The following PPP1R8 variants were observed in gnomAD, a reference collection of about 807,000 sequenced individuals.
The protein encoded by PPP1R8 is protein phosphatase 1 regulatory subunit 8.
Under a neutral mutation model 31.3 loss-of-function variants are expected in PPP1R8, and 4 were observed. The ratio of observed to expected loss-of-function variants is 0.13; its 90% confidence interval spans 0.06 to 0.29. The LOEUF is 0.29. Among genes scored for constraint, PPP1R8 ranks in the 10% least tolerant of loss-of-function variants. The pLI, the probability that PPP1R8 is intolerant of heterozygous loss-of-function variation, is 1.00. For missense variants in PPP1R8, 254 were observed against 440.1 expected, an observed-to-expected ratio of 0.58 and a Z score of 3.78; for synonymous variants, 170 against 169.7, an observed-to-expected ratio of 1.00 and a Z score of -0.01.
Position 27,850,470 on chromosome 1 carries a change from G to T in PPP1R8, c.*24G>T. 1 of 1,470,850 alleles carries T rather than the reference G, an allele frequency of 6.8e-7. No individual in the cohort carries two copies. Among genetic ancestry groups the T allele is most frequent in the Non-Finnish European group, 9.4e-7 (1 of 1,069,204 alleles). 91.1% of individuals were successfully genotyped at this position (1,470,850 alleles called of 1,614,324 possible). On this transcript the variant is annotated 3_prime_UTR_variant, in exon 7 of 7. Transcript: ENST00000311772. ...GATATTTTTGGTCATGGAGAAGGGT[G>T]GGATTGGGTGGGAATGGGGTGGAAG...
rs200905426 is a variant in PPP1R8 at position 27,850,365 on chromosome 1, A to G, written c.975A>G (p.Glu325=). Residue 325 remains glutamate, a synonymous_variant, in exon 7 of 7, where the codon GAA becomes GAG. Transcript: ENST00000311772. ...CAAACCCTGCAGTCTATAACCCTGA[A>G]GCTGTAAATGAACCCAAGAAGAAGA... is the stretch of plus-strand genomic sequence containing the variant. ...PAPNPAVYNP[E]AVNEPKKKKY... 6.2e-7 allele frequency: 1 copy of G among 1,613,940 alleles called. No individual in the cohort carries two copies. Among genetic ancestry groups the G allele is most frequent in the Non-Finnish European group, 8.5e-7 (1 of 1,179,962 alleles).
At chr1:27,847,515 A>AAC (rs1486691182) in intron 6 of PPP1R8, among the ~76,000 whole-genome samples, 1 of 151,586 alleles carries the variant, frequency 6.6e-6, no homozygotes, top group African/African-American at 2.4e-5. Context: ...TCAAAAAAAA[A>AAC]AAAAAAAGAG....
chr1:27,836,286 AG>A (rs1367841388), intron 2 of PPP1R8, among the ~76,000 whole-genome samples: 2 of 152,272 alleles, frequency 1.3e-5, no homozygotes, highest in Non-Finnish European at 2.9e-5. Flanking sequence ...AAGAAGCTTT[AG>A]CAATAATTCA....
intron 1 of PPP1R8, chr1:27,831,190 C>T: frequency 8.5e-7 from 1 of 1,174,138 alleles, no homozygotes; most frequent in Non-Finnish European, 1.1e-6. Flanking sequence ...GAACTTACGC[C>T]CAACTCTTGA....
Position 27,851,551 on chromosome 1 carries a change from G to C in PPP1R8, c.*1105G>C, listed in dbSNP as rs752067967. On this transcript the variant is annotated 3_prime_UTR_variant, in exon 7 of 7. Coordinates refer to ENST00000311772, the MANE Select transcript of PPP1R8 (RefSeq NM_014110.5). Reference sequence around the variant, plus strand: ...TCATTTGGGTGCAGGCTGTGAATTTGTCTCTCAGTCACTGATTGCCACTGC... The same window carrying C: ...TCATTTGGGTGCAGGCTGTGAATTTCTCTCTCAGTCACTGATTGCCACTGC... 4 of 505,742 alleles carry C rather than the reference G, an allele frequency of 7.9e-6. No individual in the cohort carries two copies. Among genetic ancestry groups the C allele is most frequent in the South Asian group, 1.5e-5 (1 of 68,828 alleles). 31.3% of individuals were successfully genotyped at this position (505,742 alleles called of 1,614,324 possible).
At chr1:27,837,774 CA>C (rs11305451) in intron 2 of PPP1R8, among the ~76,000 whole-genome samples, 3,631 of 101,256 alleles carry the variant, frequency 0.036, 106 homozygotes, top group African/African-American at 0.11. Context: ...GACTTAGTCT[CA>C]AAAAAAAAAA....
chr1:27,837,380 G>A (rs192127252), intron 2 of PPP1R8, among the ~76,000 whole-genome samples: 9 of 151,220 alleles, frequency 6.0e-5, no homozygotes, highest in Middle Eastern at 3.4e-3. Flanking sequence ...GTAGTGAGCC[G>A]AGATCACGCC....
chr1:27,845,148 T>C (rs1416790074), intron 5 of PPP1R8, among the ~76,000 whole-genome samples: 1 of 144,962 alleles, frequency 6.9e-6, no homozygotes, highest in Non-Finnish European at 1.5e-5. Flanking sequence ...CCCAGCACTT[T>C]GGGAGGCCGA....
intron 1 of PPP1R8, chr1:27,831,132 CCCTTT>C: frequency 7.7e-7 from 1 of 1,300,492 alleles, no homozygotes. Context: ...CTTAGGCAGC[CCCTTT>C]GAGCGATTAG....
intron 5 of PPP1R8, among the ~76,000 whole-genome samples, chr1:27,844,993 A>G (rs1034124130): frequency 7.4e-6 from 1 of 134,434 alleles, no homozygotes; most frequent in Non-Finnish European, 1.6e-5. Flanking sequence ...TCGGCCTCCT[A>G]AAGTGCTGGG....
At chr1:27,835,385 A>T (rs1256964637) in intron 2 of PPP1R8, among the ~76,000 whole-genome samples, 2 of 152,224 alleles carry the variant, frequency 1.3e-5, no homozygotes, top group African/African-American at 4.8e-5. Flanking sequence ...ATCCTGAAAT[A>T]ATGTCTTATT....
At chr1:27,831,976 C>T (rs1365343155) in intron 1 of PPP1R8, among the ~76,000 whole-genome samples, 1 of 152,190 alleles carries the variant, frequency 6.6e-6, no homozygotes, top group Non-Finnish European at 1.5e-5. Flanking sequence ...GTAGTAGTTG[C>T]TTCAGTCTAC....
intron 2 of PPP1R8, among the ~76,000 whole-genome samples, chr1:27,834,789 G>A (rs182102546): frequency 6.6e-6 from 1 of 152,054 alleles, no homozygotes; most frequent in Non-Finnish European, 1.5e-5. Flanking sequence ...AGGCCGAGGC[G>A]GGCAGATCAC....
chr1:27,850,686 C>T lies in PPP1R8; in HGVS notation c.*240C>T. The T allele has an allele frequency of 2.2e-6, 1 of 456,660 alleles. No homozygotes were observed. The allele number at this position is 456,660 out of a possible 1,614,324, so 28.3% of individuals were successfully genotyped here. On this transcript the variant is annotated 3_prime_UTR_variant, in exon 7 of 7. Coordinates refer to ENST00000311772, the MANE Select transcript of PPP1R8 (RefSeq NM_014110.5). ...TCTTATATCCTTTTCAATAGACTGC[C>T]CTGGCTCTTTCCTAGGCCTTCCACT...
chr1:27,845,783 CTT>C (rs773994854), intron 5 of PPP1R8, among the ~76,000 whole-genome samples: 32 of 91,814 alleles, frequency 3.5e-4, no homozygotes, highest in African/African-American at 1.6e-3. Flanking sequence ...TTCTTTCTTT[CTT>C]TTTTTTTTTT....
intron 5 of PPP1R8, among the ~76,000 whole-genome samples, chr1:27,845,320 G>A (rs2089266897): frequency 1.3e-5 from 2 of 150,928 alleles, no homozygotes; most frequent in African/African-American, 2.4e-5. Context: ...AACCCAGGAG[G>A]CGGAGCTTGC....
At chr1:27,839,902 A>T (rs1038360481) in intron 3 of PPP1R8, among the ~76,000 whole-genome samples, 7 of 151,994 alleles carry the variant, frequency 4.6e-5, no homozygotes, top group Non-Finnish European at 8.8e-5. Context: ...TCTACAAAAA[A>T]ATACAAAAAG....
At chr1:27,836,804 G>A (rs2089171032) in intron 2 of PPP1R8, among the ~76,000 whole-genome samples, 1 of 152,012 alleles carries the variant, frequency 6.6e-6, no homozygotes, top group Non-Finnish European at 1.5e-5. Context: ...GGTTGAGGCT[G>A]GCCATTCACC....
intron 4 of PPP1R8, among the ~76,000 whole-genome samples, chr1:27,842,887 C>T (rs1419719982): frequency 6.6e-6 from 1 of 152,184 alleles, no homozygotes. Context: ...CAACAAAAAA[C>T]ACAACTCAAG....
Sources: allele counts gnomAD v4.1 joint callset (sites outside exome capture counted in the v4.1 genomes callset), GRCh38; gene constraint gnomAD v4.1.1; transcripts MANE v1.5; gene names NCBI Gene and HGNC (gene_info 2026-07-23, HGNC 2026-07-21).